The following OGG1 variants were observed in gnomAD, a reference collection of about 807,000 sequenced individuals.
The protein encoded by OGG1 is N-glycosylase/DNA lyase.
In OGG1, 35 loss-of-function variants were observed where a neutral mutation model predicts 42.3. The observed-to-expected ratio is 0.83, with a 90% confidence interval of 0.63 to 1.10. OGG1 has a LOEUF of 1.10. Ranked by LOEUF, OGG1 falls within the 50% of genes least tolerant of loss-of-function variation. The pLI is 0.00. For synonymous variants in OGG1, 189 were observed against 179.0 expected (o/e 1.06, Z -0.44); for missense variants, 484 against 446.7 (o/e 1.08, Z -0.75).
At chr3:9,750,551 G>A (rs1341048101) in intron 1 of OGG1, 128 bp downstream of exon 1, 1 of 1,310,664 alleles carries the variant, frequency 7.6e-7, no homozygotes, top group Non-Finnish European at 1.1e-6. Flanking sequence ...GAGGAAACAA[G>A]CACGGGTAGC....
chr3:9,788,901 T>C (rs1467011365), downstream of OGG1, among the ~76,000 whole-genome samples: 2 of 151,326 alleles, frequency 1.3e-5, no homozygotes, highest in South Asian at 2.1e-4. Flanking sequence ...AGTGGCGTGA[T>C]CTCGGCTCAC....
chr3:9,762,056 C>T, downstream of OGG1: 2 of 279,592 alleles, frequency 7.2e-6, no homozygotes, highest in Non-Finnish European at 1.4e-5. Context: ...GATTTAATGC[C>T]ATCCTCACTG....
At chr3:9,780,645 G>A in intron 2 of OGG1, 1 of 1,305,882 alleles carries the variant, frequency 7.7e-7, no homozygotes, top group Non-Finnish European at 1.0e-6. Context: ...GCCCAGGCTG[G>A]CATGCCTGTG....
At chr3:9,761,597 C>G (rs746247676), downstream of OGG1, 2 of 1,613,638 alleles carry the variant, frequency 1.2e-6, no homozygotes, top group Admixed American at 1.7e-5. Context: ...TGGTTCCCCC[C>G]ACCATCACAG....
chr3:9,757,401 T>C lies in OGG1; in HGVS notation c.*251T>C, dbSNP rs546241211. 7 of 1,610,836 alleles carry C rather than the reference T, an allele frequency of 4.3e-6. No homozygotes were observed. In the African/African-American group the frequency reaches 9.3e-5, roughly 22 times the overall value. Reference sequence around the variant, plus strand: ...GAACAATAAAATAGAAACATTTGTATGGAAAATGCAGTGAGGAGTGGTAGG... The same window carrying C: ...GAACAATAAAATAGAAACATTTGTACGGAAAATGCAGTGAGGAGTGGTAGG... On this transcript the variant is annotated 3_prime_UTR_variant, in exon 7 of 7. Coordinates refer to ENST00000344629, the MANE Select transcript of OGG1 (RefSeq NM_002542.6). The surrounding 1 kb of genome is among the most constrained non-coding windows in gnomAD (Gnocchi z 4.5).
intron 4 of OGG1, 32 bp downstream of exon 4, chr3:9,754,917 C>G: frequency 1.9e-6 from 3 of 1,538,602 alleles, no homozygotes; most frequent in Non-Finnish European, 2.6e-6. Flanking sequence ...GCTGCCCTCT[C>G]TACTGACACT....
intron 3 of OGG1, among the ~76,000 whole-genome samples, chr3:9,754,350 G>A (rs1207413621): frequency 5.3e-5 from 8 of 152,200 alleles, no homozygotes. Context: ...GATCATAGAA[G>A]CTGTTGCTAT....
At chr3:9,777,286 T>C (rs1287375663) in intron 2 of OGG1, among the ~76,000 whole-genome samples, 27 of 152,146 alleles carry the variant, frequency 1.8e-4, no homozygotes, top group Admixed American at 7.2e-4. Context: ...TTGAATTAAA[T>C]TTGGAGACTT....
exon 8 of OGG1, chr3:9,766,325 C>T (rs2078150468): frequency 1.4e-6 from 1 of 691,752 alleles, no homozygotes; most frequent in East Asian, 2.7e-5. Flanking sequence ...AGGTCTACCC[C>T]TGGGCTTTTG....
chr3:9,787,302 G>T, intron 3 of OGG1: 1 of 1,613,948 alleles, frequency 6.2e-7, no homozygotes, highest in Non-Finnish European at 8.5e-7. Flanking sequence ...GGTCCTCCTG[G>T]GCCCAGCGCT....
chr3:9,790,225 G>A (rs2078700443), downstream of OGG1, among the ~76,000 whole-genome samples: 1 of 152,156 alleles, frequency 6.6e-6, no homozygotes, highest in Non-Finnish European at 1.5e-5. Flanking sequence ...ACCCATGCCA[G>A]TCACATACTG....
intron 2 of OGG1, among the ~76,000 whole-genome samples, chr3:9,772,935 G>A (rs1328572251): frequency 6.6e-6 from 1 of 152,090 alleles, no homozygotes; most frequent in African/African-American, 2.4e-5. Context: ...CCCCAGTCCC[G>A]ATGAGCACAT....
chr3:9,766,480 C>CAAAAAAAAGAA, exon 8 of OGG1: 1 of 349,598 alleles, frequency 2.9e-6, no homozygotes, highest in Non-Finnish European at 5.2e-6. Context: ...GATCCTGGGT[C>CAAAAAAAAGAA]AAAAAAAAGA....
At chr3:9,780,899 G>A (rs965198228) in intron 2 of OGG1, among the ~76,000 whole-genome samples, 53 of 152,270 alleles carry the variant, frequency 3.5e-4, no homozygotes, top group African/African-American at 1.2e-3. Context: ...AGCACTTTGG[G>A]AGCCCAAGGC....
chr3:9,776,074 C>A (rs1408316615), intron 2 of OGG1, among the ~76,000 whole-genome samples: 2 of 152,154 alleles, frequency 1.3e-5, no homozygotes, highest in African/African-American at 4.8e-5. Flanking sequence ...AAAGTCCATG[C>A]TCCTTAATCT....
chr3:9,776,122 C>G (rs995526716), intron 2 of OGG1, among the ~76,000 whole-genome samples: 1 of 152,200 alleles, frequency 6.6e-6, no homozygotes, highest in African/African-American at 2.4e-5. Flanking sequence ...CTTCAACCTA[C>G]TTTCTAGCTT....
chr3:9,759,221 T>C, downstream of OGG1: 1 of 1,614,196 alleles, frequency 6.2e-7, no homozygotes, highest in Non-Finnish European at 8.5e-7. Flanking sequence ...ATGACCTTTC[T>C]CGGACCCCAT....
downstream of OGG1, among the ~76,000 whole-genome samples, chr3:9,771,231 C>G (rs567737662): frequency 1.3e-5 from 2 of 152,024 alleles, no homozygotes; most frequent in Admixed American, 1.3e-4. Flanking sequence ...CACTATATTG[C>G]CCAGGCTGGT....
chr3:9,770,432 A>G (rs566426444), downstream of OGG1, among the ~76,000 whole-genome samples: 1 of 152,016 alleles, frequency 6.6e-6, no homozygotes, highest in Non-Finnish European at 1.5e-5. Flanking sequence ...AGACTAGGCA[A>G]TGAAGAGAGT....
Sources: gnomAD v4.1 joint callset for allele counts (sites outside exome capture counted in the v4.1 genomes callset) on GRCh38, gnomAD v4.1.1 for gene constraint, Gnocchi (gnomAD v3.1) non-coding constraint, MANE v1.5 for transcripts, NCBI Gene and HGNC (gene_info 2026-07-23, HGNC 2026-07-21) for gene names.